ECPAS: variants seen among roughly 807,000 people sequenced by gnomAD.
The protein encoded by ECPAS is proteasome adapter and scaffold protein ECM29.
A neutral mutation model predicts 255.1 loss-of-function variants in ECPAS; 70 were observed. The ratio of observed to expected loss-of-function variants is 0.27; its 90% CI spans 0.23 to 0.33. The LOEUF (loss-of-function observed/expected upper bound fraction) is 0.33, where lower values mean the gene tolerates loss of function less well. Among genes scored for constraint, ECPAS ranks in the 10% least tolerant of loss-of-function variants. ECPAS has a pLI of 1.00. For synonymous variants in ECPAS, 784 were observed against 775.0 expected, an observed-to-expected ratio of 1.01 and a Z score of -0.19; for missense variants, 1,817 against 2,206.4, an observed-to-expected ratio of 0.82 and a Z score of 3.54.
chr9:111,435,074 T>C (rs752879936), intron 7 of ECPAS, among the ~76,000 whole-genome samples: 1 of 151,658 alleles, frequency 6.6e-6, no homozygotes, highest in Non-Finnish European at 1.5e-5. Context: ...AATTTTTCTA[T>C]TTTTAATAGA....
chr9:111,414,446 A>G lies in ECPAS; in HGVS notation c.1970T>C (p.Leu657Pro). 1 of 1,613,902 alleles carries G rather than the reference A, an allele frequency of 6.2e-7. No individual in the cohort carries two copies. The change falls in exon 19 of 50, where the codon CTG (leucine) becomes CCG (proline). Residue 657 changes from leucine (L) to proline (P), a missense_variant. Coordinates refer to ENST00000684092, the MANE Select transcript of ECPAS (RefSeq NM_001364929.1). ...VQIYIGLLQQ[L>P]LAGVGGLPVM... ...ATTCCTACCTCCAACACCTGCTAAC[A>G]GCTGCTGAAGCAGGCCAATGTAGAT...
intron 1 of ECPAS, 68 bp downstream of exon 1, chr9:111,484,048 G>T (rs1032554794): frequency 1.8e-6 from 2 of 1,091,494 alleles, no homozygotes; most frequent in East Asian, 5.8e-5. Context: ...CTGTGCGGGC[G>T]GCCCGGCCTA....
intron 1 of ECPAS, among the ~76,000 whole-genome samples, chr9:111,477,280 T>C (rs2098297522): frequency 6.6e-6 from 1 of 151,810 alleles, no homozygotes; most frequent in South Asian, 2.1e-4. Context: ...GGCTAATTTT[T>C]TTGTATTTTT....
chr9:111,370,948 T>C (rs1301003242), intron 43 of ECPAS, among the ~76,000 whole-genome samples, 183 bp from the exon 44 acceptor site: 1 of 152,238 alleles, frequency 6.6e-6, no homozygotes, highest in Non-Finnish European at 1.5e-5. Flanking sequence ...AAACCATGGA[T>C]GTAGGATAAT....
chr9:111,437,565 C>A (rs2098239979), intron 6 of ECPAS, among the ~76,000 whole-genome samples: 1 of 152,198 alleles, frequency 6.6e-6, no homozygotes, highest in Admixed American at 6.5e-5. Flanking sequence ...CCTCCCTGAA[C>A]TGAGGTCTTT....
At chr9:111,459,442 T>C (rs754099529) in intron 2 of ECPAS, among the ~76,000 whole-genome samples, 1 of 152,136 alleles carries the variant, frequency 6.6e-6, no homozygotes, top group Non-Finnish European at 1.5e-5. Flanking sequence ...AAATAAGTAT[T>C]TTAATAAATC....
intron 15 of ECPAS, among the ~76,000 whole-genome samples, 188 bp downstream of exon 15, chr9:111,421,733 C>T (rs2098214249): frequency 6.6e-6 from 1 of 152,094 alleles, no homozygotes; most frequent in East Asian, 1.9e-4. Context: ...ATAAGCATCG[C>T]TATGAATACT....
At chr9:111,470,616 A>G (rs2098286345) in intron 2 of ECPAS, among the ~76,000 whole-genome samples, 1 of 152,022 alleles carries the variant, frequency 6.6e-6, no homozygotes, top group African/African-American at 2.4e-5. Context: ...AGCCTTTTGC[A>G]TATGATTCCA....
chr9:111,390,472 T>C (rs1473784473), intron 29 of ECPAS, among the ~76,000 whole-genome samples: 1 of 152,260 alleles, frequency 6.6e-6, no homozygotes, highest in Non-Finnish European at 1.5e-5. Flanking sequence ...AAGTCTTTTC[T>C]AAGCTAGACC....
At chr9:111,433,100 A>G (rs1330346513) in intron 8 of ECPAS, 133 bp downstream of exon 8, 6 of 857,994 alleles carry the variant, frequency 7.0e-6, no homozygotes, top group Non-Finnish European at 1.1e-5. Context: ...ACTTGATTAC[A>G]AACTAGGTAT....
intron 35 of ECPAS, among the ~76,000 whole-genome samples, chr9:111,382,543 C>T (rs148669954): frequency 0.011 from 1,698 of 152,198 alleles, 23 homozygotes; most frequent in African/African-American, 0.039. Context: ...GCTGGGATTA[C>T]AGGCACCAGC....
intron 26 of ECPAS, 133 bp downstream of exon 26, chr9:111,394,027 T>A (rs553983014): frequency 1.1e-6 from 1 of 904,454 alleles, no homozygotes; most frequent in South Asian, 2.1e-5. Context: ...CAGGCCACCA[T>A]CCTTCATTCC....
chr9:111,415,247 G>GTA (rs2098201463), intron 18 of ECPAS, among the ~76,000 whole-genome samples: 1 of 131,616 alleles, frequency 7.6e-6, no homozygotes, highest in Admixed American at 7.9e-5. Flanking sequence ...GTGTGTGTGT[G>GTA]TGTGTGAGAG....
chr9:111,466,343 G>A (rs2098279512), intron 2 of ECPAS, among the ~76,000 whole-genome samples: 1 of 152,038 alleles, frequency 6.6e-6, no homozygotes, highest in Non-Finnish European at 1.5e-5. Flanking sequence ...TACTCAGGAG[G>A]CTGAGGCAGG....
At chr9:111,420,418 C>T (rs937590187) in intron 15 of ECPAS, among the ~76,000 whole-genome samples, 1 of 152,152 alleles carries the variant, frequency 6.6e-6, no homozygotes, top group Non-Finnish European at 1.5e-5. Flanking sequence ...AGAATCTCTG[C>T]GCATCCTCAG....
chr9:111,427,035 C>CT (rs199815478), intron 10 of ECPAS, among the ~76,000 whole-genome samples: 1,652 of 150,800 alleles, frequency 0.011, 14 homozygotes, highest in Middle Eastern at 0.041. Flanking sequence ...TTGAAACAGA[C>CT]TTTTTTTTTA....
Position 111,392,762 on chromosome 9 carries a change from C to T in ECPAS, c.3092+6G>A, listed in dbSNP as rs569269238. 5 of 1,595,662 alleles carry T rather than the reference C, an allele frequency of 3.1e-6. No individual in the cohort carries two copies. Among genetic ancestry groups the T allele is most frequent in the Non-Finnish European group, 4.3e-6 (5 of 1,165,550 alleles). The stretch of plus-strand genomic sequence containing the variant: ...CTTGAATCTAAAATTTTCAAGTTCA[C>T]CATACCTTTTGCCAGTCATAAGTGT... On this transcript the variant is annotated splice_donor_region_variant and intron_variant, in intron 28 of 49. Transcript: ENST00000684092.
intron 33 of ECPAS, 61 bp downstream of exon 33, chr9:111,385,276 T>C: frequency 1.2e-6 from 1 of 850,680 alleles, no homozygotes; most frequent in South Asian, 1.7e-5. Flanking sequence ...ACAACATAAA[T>C]ATTTTAATAA....
At chr9:111,435,505 C>T (rs2098236658) in intron 7 of ECPAS, among the ~76,000 whole-genome samples, 1 of 152,084 alleles carries the variant, frequency 6.6e-6, no homozygotes, top group South Asian at 2.1e-4. Flanking sequence ...AAGCCTGGTA[C>T]TAAAAGTGAG....
Sources: gnomAD v4.1 joint callset for allele counts (sites outside exome capture counted in the v4.1 genomes callset) on GRCh38, gnomAD v4.1.1 for gene constraint, MANE v1.5 for transcripts, NCBI Gene and HGNC (gene_info 2026-07-23, HGNC 2026-07-21) for gene names.